CDK6: variants seen among roughly 807,000 people sequenced by gnomAD.
CDK6 encodes the protein cyclin dependent kinase 6.
In CDK6, 6 loss-of-function variants were observed where a neutral mutation model predicts 37.1. The observed-to-expected ratio is 0.16, with a 90% CI of 0.09 to 0.32. The LOEUF is 0.32. Ranked by LOEUF, CDK6 falls within the 10% of genes least tolerant of loss-of-function variation. The pLI, the probability that CDK6 is intolerant of heterozygous loss-of-function variation, is 1.00. For synonymous variants in CDK6, 160 were observed against 161.3 expected (o/e 0.99, Z 0.06); for missense variants, 224 against 418.9 (o/e 0.53, Z 4.06).
chr7:92,684,359 A>C (rs919159061), intron 4 of CDK6, among the ~76,000 whole-genome samples: 1 of 152,236 alleles, frequency 6.6e-6, no homozygotes, highest in African/African-American at 2.4e-5. Flanking sequence ...AGAAAAGCTG[A>C]CAAAAACAAA....
rs1298509647 is a variant in CDK6, at chr7:92,804,784, C to A, written c.233+28307G>T. Among the ~76,000 whole-genome samples the A allele has an allele frequency of 7.9e-5, 12 of 152,230 alleles. No individual in the cohort carries two copies. The South Asian group carries it at 1.0e-3, about 13-fold the overall frequency. ...ATTGCAGGATACTTAACATCAATAA[C>A]CTCTACCTATTAGATGTTAGTGGCA... On this transcript the variant is annotated intron_variant, in intron 2 of 7. Transcript: ENST00000424848.
intron 3 of CDK6, among the ~76,000 whole-genome samples, chr7:92,760,253 A>G (rs1192926168): frequency 2.6e-5 from 4 of 152,310 alleles, no homozygotes; most frequent in East Asian, 1.9e-4. Flanking sequence ...ACTAAAGGAG[A>G]TAACAATGGT....
intron 2 of CDK6, among the ~76,000 whole-genome samples, chr7:92,782,189 G>A (rs1292756258): frequency 6.6e-6 from 1 of 152,130 alleles, no homozygotes; most frequent in Non-Finnish European, 1.5e-5. Context: ...TGGGAAAGAA[G>A]ACTTACAAGT....
rs372523914 is a variant in CDK6, at chr7:92,672,134, CAT to C, written c.538-601_538-600del. ...AACCACTTGTACCCCAAAAGCTGTACATATATATATATATATATATATATATA... is the reference window on the plus strand; with the variant it reads ...AACCACTTGTACCCCAAAAGCTGTACATATATATATATATATATATATATA... On this transcript the variant is annotated intron_variant, in intron 4 of 7. Transcript: ENST00000424848. Among the ~76,000 whole-genome samples, 367 of 65,402 alleles carry C rather than the reference CAT, an allele frequency of 5.6e-3. 19 individuals are homozygous for C. The highest frequency in any genetic ancestry group is 0.016 in the African/African-American group (229 of 14,132). The allele number at this position is 65,402 out of a possible 152,430, so 42.9% of individuals were successfully genotyped here.
chr7:92,802,231 A>C (rs1039384928), intron 2 of CDK6, among the ~76,000 whole-genome samples: 16 of 151,610 alleles, frequency 1.1e-4, no homozygotes, highest in Non-Finnish European at 2.1e-4. Flanking sequence ...AACATTCTAC[A>C]CTCTGCTTCC....
chr7:92,698,210 T>C (rs1306558005), intron 4 of CDK6, among the ~76,000 whole-genome samples: 2 of 152,218 alleles, frequency 1.3e-5, no homozygotes, highest in South Asian at 2.1e-4. Context: ...CCATGAACTT[T>C]AATTATTGCA....
chr7:92,652,455 CT>C (rs1373403285), intron 5 of CDK6, among the ~76,000 whole-genome samples: 9 of 152,026 alleles, frequency 5.9e-5, no homozygotes, highest in Non-Finnish European at 1.3e-4. Flanking sequence ...CCATTTCTTT[CT>C]AGTCAAAGGT....
chr7:92,784,584 A>C (rs1800075896), intron 2 of CDK6, among the ~76,000 whole-genome samples: 1 of 152,186 alleles, frequency 6.6e-6, no homozygotes, highest in Non-Finnish European at 1.5e-5. Flanking sequence ...TAAGGGCCTA[A>C]CAAGAGTGAA....
intron 4 of CDK6, chr7:92,725,273 C>G (rs1312367099): frequency 1.0e-6 from 1 of 985,352 alleles, no homozygotes; most frequent in Non-Finnish European, 1.2e-6. Context: ...TGCTCGTGCT[C>G]TTTCTTCCCT....
chr7:92,799,992 C>T (rs1401089750), intron 2 of CDK6, among the ~76,000 whole-genome samples: 1 of 152,162 alleles, frequency 6.6e-6, no homozygotes, highest in East Asian at 1.9e-4. Flanking sequence ...ATCACCATCA[C>T]TATCCTCTCA....
chr7:92,701,365 T>C (rs1410730162), intron 4 of CDK6, among the ~76,000 whole-genome samples: 2 of 152,212 alleles, frequency 1.3e-5, no homozygotes, highest in African/African-American at 4.8e-5. Context: ...AATATTATCA[T>C]TAACAGGGGC....
chr7:92,815,225 G>C (rs1354056708), intron 2 of CDK6, among the ~76,000 whole-genome samples: 1 of 151,420 alleles, frequency 6.6e-6, no homozygotes, highest in African/African-American at 2.4e-5. Context: ...TGACATTTGA[G>C]AGTTTTTCCA....
chr7:92,781,822 A>G (rs1013450182), intron 2 of CDK6, among the ~76,000 whole-genome samples: 7 of 152,202 alleles, frequency 4.6e-5, no homozygotes, highest in Admixed American at 1.3e-4. Context: ...ATTTTTAAAA[A>G]TATCTAATCT....
At chr7:92,673,632 A>C (rs189565339) in intron 4 of CDK6, among the ~76,000 whole-genome samples, 9 of 152,306 alleles carry the variant, frequency 5.9e-5, no homozygotes, top group Non-Finnish European at 1.0e-4. Context: ...TCTATACTGC[A>C]CCACTGGTTT....
chr7:92,774,514 C>CATCT (rs1425638744), intron 3 of CDK6, among the ~76,000 whole-genome samples, 182 bp downstream of exon 3: 2 of 152,080 alleles, frequency 1.3e-5, no homozygotes, highest in African/African-American at 4.8e-5. Flanking sequence ...GTACTTTGAA[C>CATCT]ATCTCACTTA....
intron 2 of CDK6, among the ~76,000 whole-genome samples, chr7:92,824,801 A>G (rs144647125): frequency 1.3e-5 from 2 of 152,182 alleles, no homozygotes; most frequent in Non-Finnish European, 2.9e-5. Context: ...TGTATACATA[A>G]TTTCATTTGA....
At chr7:92,827,834 C>T (rs183047005) in intron 2 of CDK6, among the ~76,000 whole-genome samples, 123 of 152,262 alleles carry the variant, frequency 8.1e-4, no homozygotes, top group African/African-American at 2.9e-3. Context: ...GAAGACAGAG[C>T]AACTCATCTG....
chr7:92,636,553 C>T (rs566038058), intron 5 of CDK6, among the ~76,000 whole-genome samples: 25 of 151,886 alleles, frequency 1.6e-4, no homozygotes, highest in Non-Finnish European at 3.1e-4. Flanking sequence ...AAAATATCAC[C>T]GGCAAAGGCT....
chr7:92,803,005 T>C lies in CDK6; in HGVS notation c.234-28174A>G, dbSNP rs115437862. On this transcript the variant is annotated intron_variant, in intron 2 of 7. Coordinates refer to ENST00000424848, the MANE Select transcript of CDK6 (RefSeq NM_001145306.2). ...AGGGCCAATTCGTCATTCTGCGTTC[T>C]TACAGTTTTTCAAATATGCCCTTCC... Among the ~76,000 whole-genome samples, 414 of 152,342 alleles carry C rather than the reference T, an allele frequency of 2.7e-3. 1 individual carries two copies. The highest frequency in any genetic ancestry group is 9.5e-3 in the African/African-American group (393 of 41,572).
Sources: allele counts gnomAD v4.1 joint callset (sites outside exome capture counted in the v4.1 genomes callset), GRCh38; gene constraint gnomAD v4.1.1; transcripts MANE v1.5; gene names NCBI Gene and HGNC (gene_info 2026-07-23, HGNC 2026-07-21).